Variants in SH3BP4 observed in about 807,000 individuals in gnomAD.
The protein encoded by SH3BP4 is SH3 domain-binding protein 4.
SH3BP4 carries 33 observed loss-of-function variants against 65.5 expected under a neutral mutation model. The observed-to-expected ratio is 0.50, with a 90% confidence interval of 0.38 to 0.67. The LOEUF (loss-of-function observed/expected upper bound fraction) is 0.67. Among genes scored for constraint, SH3BP4 ranks in the 30% least tolerant of loss-of-function variants. The pLI is 0.00. For missense variants in SH3BP4, 1,134 were observed against 1,261.4 expected (o/e 0.90, Z 1.53); for synonymous variants, 552 against 545.5 (o/e 1.01, Z -0.17).
intron 4 of SH3BP4, among the ~76,000 whole-genome samples, chr2:235,051,338 G>A (rs947288561): frequency 7.2e-5 from 11 of 152,128 alleles, no homozygotes; most frequent in Non-Finnish European, 1.5e-4. Flanking sequence ...TAAACCAGAA[G>A]TGTGAGTTTG....
chr2:234,965,894 T>C (rs969538057), intron 1 of SH3BP4, among the ~76,000 whole-genome samples: 1 of 152,232 alleles, frequency 6.6e-6, no homozygotes, highest in African/African-American at 2.4e-5. Flanking sequence ...GGTTGTCCTC[T>C]TGTGCTACTA....
At position 234,977,428 on chromosome 2, in the gene SH3BP4, G is replaced by A. The variant is rs1693201014; in HGVS notation, c.-206-17875G>A. On this transcript the variant is annotated intron_variant, in intron 1 of 5. Transcript: ENST00000392011. This position sits in a 1 kb window ranked among gnomAD's most constrained non-coding sequence, Gnocchi z 5.1. Reference sequence around the variant, plus strand: ...GGTGAGCCACCCTCCTGGCCAGTGAGGAGCTTCTAAACACGGAGGCAGATC... The same window carrying A: ...GGTGAGCCACCCTCCTGGCCAGTGAAGAGCTTCTAAACACGGAGGCAGATC... 6.6e-6 allele frequency among the ~76,000 whole-genome samples: 1 copy of A among 152,178 alleles called. No homozygotes were observed. The highest frequency in any genetic ancestry group is 6.5e-5 in the Admixed American group (1 of 15,280).
intron 1 of SH3BP4, among the ~76,000 whole-genome samples, chr2:234,975,448 G>C (rs1203264319): frequency 6.6e-6 from 1 of 152,180 alleles, no homozygotes; most frequent in Non-Finnish European, 1.5e-5. Flanking sequence ...GTCTAATGTG[G>C]CTTTAACCTC....
rs567949782 is a variant in SH3BP4 at position 235,054,803 on chromosome 2, G to C, written c.*987G>C. 66 of 152,358 alleles carry C rather than the reference G, an allele frequency of 4.3e-4. No individual in the cohort carries two copies. Among genetic ancestry groups the C allele is most frequent in the African/African-American group, 1.5e-3 (64 of 41,584 alleles). The allele number at this position is 152,358 out of a possible 1,614,324, so 9.4% of individuals were successfully genotyped here. On this transcript the variant is annotated 3_prime_UTR_variant, in exon 6 of 6. Transcript: ENST00000392011. ...GCCACTGACTCTCGTGCTTATTGCA[G>C]ATGCTGTGGTTGGCCTCACAAGCAA... is the stretch of plus-strand genomic sequence containing the variant.
Position 235,041,292 on chromosome 2 carries a change from G to A in SH3BP4, c.523G>A (p.Val175Met), listed in dbSNP as rs184050240. ...VQTNPFLNGN[V>M]PVMPSLDELN... ...GACCAATCCATTTCTGAATGGGAAC[G>A]TGCCCGTCATGCCCAGCCTGGATGA... Residue 175 changes from valine to methionine, a missense_variant, in exon 4 of 6, where the codon GTG becomes ATG. By Grantham distance (21) the Val-to-Met change is conservative (BLOSUM62 1). Coordinates refer to ENST00000392011, the MANE Select transcript of SH3BP4 (RefSeq NM_014521.3). This position sits in a 1 kb window ranked among gnomAD's most constrained non-coding sequence, Gnocchi z 6.0. 121 of 1,614,168 alleles carry A rather than the reference G, an allele frequency of 7.5e-5. No individual in the cohort carries two copies. The East Asian group carries it at 1.6e-3, about 21-fold the overall frequency.
intron 1 of SH3BP4, among the ~76,000 whole-genome samples, chr2:234,956,343 A>C (rs550623733): frequency 6.6e-5 from 10 of 152,192 alleles, no homozygotes; most frequent in Non-Finnish European, 1.2e-4. Context: ...GTAAATGTAC[A>C]ATAAGGGTTC....
intron 1 of SH3BP4, among the ~76,000 whole-genome samples, chr2:234,956,176 C>T (rs999786411): frequency 3.3e-5 from 5 of 152,170 alleles, no homozygotes; most frequent in East Asian, 1.9e-4. Context: ...ACCCTCACCC[C>T]GTCACCAGGG....
At chr2:234,993,419 A>T (rs1693815117) in intron 1 of SH3BP4, among the ~76,000 whole-genome samples, 1 of 152,160 alleles carries the variant, frequency 6.6e-6, no homozygotes, top group Admixed American at 6.5e-5. Flanking sequence ...AGAATTCAGG[A>T]TGGAGATTCT....
At position 235,042,721 on chromosome 2, in the gene SH3BP4, G is replaced by T. The variant is rs758870615; in HGVS notation, c.1952G>T (p.Arg651Leu). ...ACAAAGTACCCGACTTTCCAGGACC[G>T]CCCGGTGTCCAGCCTCAAGTTTGGT... ...TTTKYPTFQDRPVSSLKFGKL... is the reference protein window; with the variant it reads ...TTTKYPTFQDLPVSSLKFGKL... Residue 651 changes from arginine (R) to leucine (L), a missense_variant, in exon 4 of 6, where the codon CGC (arginine) becomes CTC (leucine). Coordinates refer to ENST00000392011, the MANE Select transcript of SH3BP4 (RefSeq NM_014521.3). This position sits in a 1 kb window ranked among gnomAD's most constrained non-coding sequence, Gnocchi z 7.3. The T allele has an allele frequency of 9.9e-6, 16 of 1,614,146 alleles. No individual in the cohort carries two copies. The highest frequency in any genetic ancestry group is 1.6e-4 in the Middle Eastern group (1 of 6,062).
At chr2:234,971,251 A>G (rs980452267) in intron 1 of SH3BP4, among the ~76,000 whole-genome samples, 1 of 152,146 alleles carries the variant, frequency 6.6e-6, no homozygotes, top group Admixed American at 6.5e-5. Flanking sequence ...GAATCATACA[A>G]TATTTGTCTT....
Position 235,052,528 on chromosome 2 carries a change from C to T in SH3BP4, c.2479-34C>T, listed in dbSNP as rs1412743656. The T allele has an allele frequency of 6.6e-7, 1 of 1,507,240 alleles. No homozygotes were observed. Among genetic ancestry groups the T allele is most frequent in the African/African-American group, 1.4e-5 (1 of 72,276 alleles). The allele number at this position is 1,507,240 out of a possible 1,614,324, so 93.4% of individuals were successfully genotyped here. A position where few individuals can be genotyped will look rare whatever the true frequency, so the allele number is the denominator to read the frequency against. ...GGAGCAGAGCCTGCCCCACTCCCTA[C>T]ACTGTCTCACGCTGTGTGCCTCTTC... is the stretch of plus-strand genomic sequence containing the variant. On this transcript the variant is annotated intron_variant, in intron 4 of 5. Coordinates refer to ENST00000392011, the MANE Select transcript of SH3BP4 (RefSeq NM_014521.3). The surrounding 1 kb of genome is among the most constrained non-coding windows in gnomAD (Gnocchi z 5.0).
intron 1 of SH3BP4, among the ~76,000 whole-genome samples, chr2:234,969,891 T>TCA (rs1031483628): frequency 2.0e-5 from 3 of 149,734 alleles, no homozygotes; most frequent in African/African-American, 7.6e-5. Flanking sequence ...TCGCTGTCTC[T>TCA]CACACACACA....
At chr2:234,956,731 T>TA (rs1364451491) in intron 1 of SH3BP4, among the ~76,000 whole-genome samples, 3 of 151,718 alleles carry the variant, frequency 2.0e-5, no homozygotes, top group Non-Finnish European at 4.4e-5. Context: ...TTTTTTTTTT[T>TA]AAATTCTTGT....
At chr2:235,036,758 T>TAATAATAATAATAAC (rs60011598) in intron 3 of SH3BP4, among the ~76,000 whole-genome samples, 1 of 150,212 alleles carries the variant, frequency 6.7e-6, no homozygotes, top group Admixed American at 6.7e-5. Flanking sequence ...ATAATAATAA[T>TAATAATAATAATAAC]GACAGTGCTC....
In SH3BP4 at chr2:235,041,811, C is replaced by T. The variant is rs751948756; in HGVS notation, c.1042C>T (p.Pro348Ser). 24 of 1,597,816 alleles carry T rather than the reference C, an allele frequency of 1.5e-5. No individual in the cohort carries two copies. Among genetic ancestry groups the T allele is most frequent in the Non-Finnish European group, 1.9e-5 (22 of 1,171,098 alleles). Reference protein sequence around the residue: ...SIHVPEGHVAPGETQQISMKA... With the variant: ...SIHVPEGHVASGETQQISMKA... ...CCACGTGCCCGAGGGCCACGTCGCC[C>T]CTGGGGAGACCCAGCAGATCTCCAT... Residue 348 changes from proline to serine, a missense_variant, in exon 4 of 6, where the codon CCT becomes TCT. Transcript: ENST00000392011. This position sits in a 1 kb window ranked among gnomAD's most constrained non-coding sequence, Gnocchi z 6.0.
At chr2:235,013,638 G>A (rs1342157358) in intron 2 of SH3BP4, among the ~76,000 whole-genome samples, 1 of 152,214 alleles carries the variant, frequency 6.6e-6, no homozygotes, top group African/African-American at 2.4e-5. Context: ...TTGGACTGAG[G>A]GTAAGGGGGT....
chr2:235,004,487 AT>A (rs1694230724), intron 2 of SH3BP4, among the ~76,000 whole-genome samples: 1 of 152,176 alleles, frequency 6.6e-6, no homozygotes, highest in Non-Finnish European at 1.5e-5. Context: ...TCTCCAGAAC[AT>A]TTTTTCAACC....
chr2:235,010,976 G>A (rs1694475276), intron 2 of SH3BP4, among the ~76,000 whole-genome samples: 1 of 147,802 alleles, frequency 6.8e-6, no homozygotes, highest in African/African-American at 2.5e-5. Flanking sequence ...CCCTCTTCTA[G>A]GAGAACCCTT....
At chr2:234,985,591 C>T (rs547088673) in intron 1 of SH3BP4, among the ~76,000 whole-genome samples, 75 of 152,184 alleles carry the variant, frequency 4.9e-4, no homozygotes, top group African/African-American at 1.6e-3. Flanking sequence ...TGACTCTCCG[C>T]GCACAGGTAT....
Sources: gnomAD v4.1 joint callset for allele counts (sites outside exome capture counted in the v4.1 genomes callset) on GRCh38, gnomAD v4.1.1 for gene constraint, Gnocchi (gnomAD v3.1) non-coding constraint, MANE v1.5 for transcripts, NCBI Gene and HGNC (gene_info 2026-07-23, HGNC 2026-07-21) for gene names.